MYO3B: variants seen among roughly 807,000 people sequenced by gnomAD.
MYO3B encodes the protein myosin IIIB, also known as myosin-IIIb.
A neutral mutation model predicts 174.6 loss-of-function variants in MYO3B; 156 were observed. The ratio of observed to expected loss-of-function variants is 0.89; its 90% CI spans 0.78 to 1.02. The LOEUF (loss-of-function observed/expected upper bound fraction) is 1.02. Among genes scored for constraint, MYO3B ranks in the 50% least tolerant of loss-of-function variants. The probability of loss-of-function intolerance (pLI) is 0.00; values close to 1 mark genes in which losing one functional copy is unlikely to be tolerated. For missense variants in MYO3B, 1,632 were observed against 1,639.4 expected (o/e 1.00, Z 0.08); for synonymous variants, 563 against 569.1 (o/e 0.99, Z 0.15).
intron 32 of MYO3B, among the ~76,000 whole-genome samples, chr2:170,618,646 G>A (rs1486287835): frequency 6.6e-6 from 1 of 152,110 alleles, no homozygotes; most frequent in Admixed American, 6.5e-5. Flanking sequence ...CTGGGTCCAG[G>A]GGGGTCACCG....
At chr2:170,495,628 G>A (rs1575072248) in intron 25 of MYO3B, among the ~76,000 whole-genome samples, 1 of 150,264 alleles carries the variant, frequency 6.7e-6, no homozygotes, top group Non-Finnish European at 1.5e-5. Context: ...ATAAATCTTT[G>A]ATTGGTGAAC....
intron 7 of MYO3B, among the ~76,000 whole-genome samples, chr2:170,236,635 G>A (rs1394048277): frequency 1.3e-5 from 2 of 152,150 alleles, no homozygotes; most frequent in Non-Finnish European, 2.9e-5. Context: ...GCGGAAAGAG[G>A]TCTGTTTGGA....
At chr2:170,423,585 C>CTTTTTT (rs34209442) in intron 22 of MYO3B, among the ~76,000 whole-genome samples, 4 of 124,294 alleles carry the variant, frequency 3.2e-5, no homozygotes, top group African/African-American at 6.1e-5. Flanking sequence ...TCAGCAAAAG[C>CTTTTTT]TTTTTTTTTT....
chr2:170,382,664 TGC>T (rs1228328064), intron 10 of MYO3B: 1 of 179,802 alleles, frequency 5.6e-6, no homozygotes. Flanking sequence ...TCTGTATTTA[TGC>T]CACCTAGGTT....
intron 8 of MYO3B, chr2:170,344,586 A>C (rs2094002567): frequency 6.6e-6 from 1 of 152,338 alleles, no homozygotes; most frequent in South Asian, 2.1e-4. Flanking sequence ...TAAGAAATAC[A>C]GTCCTCTGAC....
chr2:170,589,580 AG>A (rs1359122525), intron 32 of MYO3B, among the ~76,000 whole-genome samples: 1 of 152,166 alleles, frequency 6.6e-6, no homozygotes, highest in Non-Finnish European at 1.5e-5. Context: ...AATTTTAAAT[AG>A]AAAAAAGCTT....
intron 31 of MYO3B, 151 bp from the exon 32 acceptor site, chr2:170,543,741 A>G (rs949829459): frequency 1.4e-5 from 7 of 488,116 alleles, no homozygotes; most frequent in African/African-American, 3.9e-5. Flanking sequence ...AATTCTATGT[A>G]AGATGGGAGC....
At chr2:170,515,660 A>G (rs1688259064) in intron 29 of MYO3B, among the ~76,000 whole-genome samples, 1 of 151,948 alleles carries the variant, frequency 6.6e-6, no homozygotes, top group East Asian at 1.9e-4. Context: ...TTGAGAGGCT[A>G]TGATTTTTGA....
At chr2:170,203,367 C>A (rs2092682238) in intron 3 of MYO3B, among the ~76,000 whole-genome samples, 1 of 151,998 alleles carries the variant, frequency 6.6e-6, no homozygotes. Flanking sequence ...GTAAATGAGG[C>A]TGGAAAGTAA....
Position 170,392,440 on chromosome 2 carries a change from G to T in MYO3B, c.1736G>T (p.Arg579Ile). 1.2e-6 allele frequency: 2 copies of T among 1,600,936 alleles called. No individual in the cohort carries two copies. Among genetic ancestry groups the T allele is most frequent in the East Asian group, 2.3e-5 (1 of 44,416 alleles). Residue 579 changes from arginine (R) to isoleucine (I), a missense_variant, in exon 16 of 35, where the codon AGA becomes ATA. Arg to Ile is a moderately conservative substitution (Grantham distance 97). Transcript: ENST00000408978. ...GACATAACTTCCAAGGAGTCTTACAGAAGACAATTCGAAGCAATTCAGCAT... is the reference window on the plus strand; with the variant it reads ...GACATAACTTCCAAGGAGTCTTACATAAGACAATTCGAAGCAATTCAGCAT... ...MHDITSKESY[R>I]RQFEAIQHCF...
chr2:170,366,781 T>G (rs571069247), intron 8 of MYO3B, among the ~76,000 whole-genome samples: 16 of 152,210 alleles, frequency 1.1e-4, no homozygotes, highest in East Asian at 1.9e-4. Context: ...CAAATGATCT[T>G]GCGACCGTGT....
At chr2:170,511,397 A>G (rs1687981295) in intron 28 of MYO3B, among the ~76,000 whole-genome samples, 1 of 152,186 alleles carries the variant, frequency 6.6e-6, no homozygotes, top group African/African-American at 2.4e-5. Flanking sequence ...TAAAATGTAT[A>G]GTAAAGTAAA....
intron 7 of MYO3B, 92 bp from the exon 8 acceptor site, chr2:170,335,293 G>A: frequency 1.1e-6 from 1 of 935,302 alleles, no homozygotes; most frequent in Non-Finnish European, 1.7e-6. Flanking sequence ...TTTTATTAGA[G>A]CTATTTAGAA....
At chr2:170,219,182 C>A (rs920615348) in intron 6 of MYO3B, among the ~76,000 whole-genome samples, 4 of 152,238 alleles carry the variant, frequency 2.6e-5, no homozygotes, top group Non-Finnish European at 5.9e-5. Context: ...CACATTGAGG[C>A]TCCTTTCCCT....
At chr2:170,231,968 G>A (rs1025285470) in intron 6 of MYO3B, among the ~76,000 whole-genome samples, 1 of 152,128 alleles carries the variant, frequency 6.6e-6, no homozygotes, top group Non-Finnish European at 1.5e-5. Flanking sequence ...GATGTGAAAG[G>A]GTGTGCATTT....
At chr2:170,400,652 C>A (rs1053228328) in intron 17 of MYO3B, among the ~76,000 whole-genome samples, 9 of 140,462 alleles carry the variant, frequency 6.4e-5, no homozygotes, top group African/African-American at 1.3e-4. Context: ...ATCCACCCCC[C>A]CCCCCTCGGC....
Position 170,355,597 on chromosome 2 carries a change from C to A in MYO3B, c.816-13625C>A, listed in dbSNP as rs1168783144. On this transcript the variant is annotated intron_variant, in intron 8 of 34. Coordinates refer to ENST00000408978, the MANE Select transcript of MYO3B (RefSeq NM_138995.5). ...GTTGCCAACTCCCACTTGTGTGATG[C>A]TCCAGTCTTATTCCTGCCCTTCCCC... Among the ~76,000 whole-genome samples the A allele has an allele frequency of 4.6e-5, 7 of 152,190 alleles. No homozygotes were observed. In the South Asian group the frequency reaches 8.3e-4, roughly 18 times the overall value.
chr2:170,385,319 G>C (rs1019536146), intron 12 of MYO3B, among the ~76,000 whole-genome samples: 12 of 152,088 alleles, frequency 7.9e-5, no homozygotes, highest in African/African-American at 2.9e-4. Flanking sequence ...CACATGTTTG[G>C]TCTTTCTAAT....
chr2:170,196,815 C>T (rs1186542109), intron 1 of MYO3B, among the ~76,000 whole-genome samples: 1 of 152,060 alleles, frequency 6.6e-6, no homozygotes, highest in Non-Finnish European at 1.5e-5. Flanking sequence ...AGCCCTTCCC[C>T]AAAACTCAGC....
Sources: gnomAD v4.1 joint callset for allele counts (sites outside exome capture counted in the v4.1 genomes callset) on GRCh38, gnomAD v4.1.1 for gene constraint, MANE v1.5 for transcripts, NCBI Gene and HGNC (gene_info 2026-07-23, HGNC 2026-07-21) for gene names.